The following MBTD1 variants were observed in gnomAD, a reference collection of about 807,000 sequenced individuals.
MBTD1 encodes the protein MBT domain-containing protein 1.
A neutral mutation model predicts 87.8 loss-of-function variants in MBTD1; 24 were observed. That is an observed-to-expected ratio of 0.27 (90% CI 0.20 to 0.38). The LOEUF (loss-of-function observed/expected upper bound fraction) is 0.38. Among genes scored for constraint, MBTD1 ranks in the 10% least tolerant of loss-of-function variants. The pLI is 1.00. For missense variants in MBTD1, 436 were observed against 760.2 expected, an observed-to-expected ratio of 0.57 and a Z score of 5.02; for synonymous variants, 237 against 248.6, an observed-to-expected ratio of 0.95 and a Z score of 0.44.
chr17:51,232,997 A>G (rs548670684), intron 2 of MBTD1, among the ~76,000 whole-genome samples: 1 of 131,460 alleles, frequency 7.6e-6, no homozygotes, highest in Middle Eastern at 4.6e-3. Flanking sequence ...GTCTGCAGTG[A>G]GGTGCAATCA....
At chr17:51,224,232 C>T (rs900539418) in intron 3 of MBTD1, among the ~76,000 whole-genome samples, 10 of 152,134 alleles carry the variant, frequency 6.6e-5, no homozygotes, top group African/African-American at 1.7e-4. Flanking sequence ...CCCCAGAATA[C>T]AGTGACCAGG....
intron 2 of MBTD1, chr17:51,251,287 C>T (rs1328301797): frequency 1.3e-5 from 2 of 152,156 alleles, no homozygotes; most frequent in Non-Finnish European, 2.9e-5. Flanking sequence ...TCTCTAAGTT[C>T]AGTTTTTTTC....
chr17:51,260,060 T>G, upstream of MBTD1: 1 of 396,414 alleles, frequency 2.5e-6, no homozygotes, highest in Non-Finnish European at 4.4e-6. Flanking sequence ...AGCATAGCCC[T>G]CCCTCCCCAG....
At position 51,259,696 on chromosome 17, in the gene MBTD1, G is replaced by A. The variant is rs558705849; in HGVS notation, c.-113+139C>T. 764 of 717,174 alleles carry A rather than the reference G, an allele frequency of 1.1e-3. 9 individuals carry two copies. The African/African-American group carries it at 0.011, about 11-fold the overall frequency. 44.4% of individuals were successfully genotyped at this position (717,174 alleles called of 1,614,324 possible). On this transcript the variant is annotated intron_variant, in intron 1 of 16. Coordinates refer to ENST00000586178, the MANE Select transcript of MBTD1 (RefSeq NM_017643.3). ...TTTAACGGCTGGAAGGGGGAGGGGGGCTCCGGAGGTTGAGAGGGCGTGGGA... is the reference window on the plus strand; with the variant it reads ...TTTAACGGCTGGAAGGGGGAGGGGGACTCCGGAGGTTGAGAGGGCGTGGGA...
chr17:51,242,898 C>A (rs993786335), intron 2 of MBTD1, among the ~76,000 whole-genome samples: 5 of 152,156 alleles, frequency 3.3e-5, no homozygotes, highest in African/African-American at 1.2e-4. Flanking sequence ...GGAAATCATT[C>A]CATTTCAGTG....
intron 16 of MBTD1, 51 bp from the exon 17 acceptor site, chr17:51,180,745 C>T (rs903884201): frequency 1.4e-5 from 13 of 938,998 alleles, no homozygotes; most frequent in East Asian, 7.9e-5. Context: ...CTAGAGTACT[C>T]GGATTGCCTG....
rs914910643 is a variant in MBTD1 at position 51,225,341 on chromosome 17, CT to C, written c.-48-133del. The C allele has an allele frequency of 2.0e-3, 843 of 415,138 alleles. 1 individual carries two copies. The highest frequency in any genetic ancestry group is 4.5e-3 in the Middle Eastern group (7 of 1,568). 25.7% of individuals were successfully genotyped at this position (415,138 alleles called of 1,614,324 possible). On this transcript the variant is annotated intron_variant, in intron 2 of 16. Coordinates refer to ENST00000586178, the MANE Select transcript of MBTD1 (RefSeq NM_017643.3). ...GCCCTGAGAAATAACCATTTTCTTT[CT>C]TTTTTTTTTCTTTTTTTAAAAAATG...
Position 51,225,101 on chromosome 17 carries a change from T to C in MBTD1, c.61A>G (p.Ser21Gly). ...GGTAAAGGAGCGACTTCTTCCTCACTCTCTTCGGAGCTGGAGCTGCTGCTT... is the reference window on the plus strand; with the variant it reads ...GGTAAAGGAGCGACTTCTTCCTCACCCTCTTCGGAGCTGGAGCTGCTGCTT... ...DTSSSSSSEE[S>G]EEEVAPLPSN... is the part of the protein sequence containing the mutation. The change falls in exon 3 of 17, where the codon AGT (serine) becomes GGT (glycine). Residue 21 changes from serine to glycine, a missense_variant. Around this residue, in one of 5 missense-constraint regions of MBTD1, gnomAD observed 38 missense variants for 33.8 expected, o/e 1.12. Coordinates refer to ENST00000586178, the MANE Select transcript of MBTD1 (RefSeq NM_017643.3). The C allele has an allele frequency of 6.4e-7, 1 of 1,551,628 alleles. No individual in the cohort carries two copies. The highest frequency in any genetic ancestry group is 8.7e-7 in the Non-Finnish European group (1 of 1,146,892).
chr17:51,260,193 G>C (rs1411226870), upstream of MBTD1: 3 of 390,496 alleles, frequency 7.7e-6, no homozygotes. Context: ...ACGAAGGGTG[G>C]AAAGCGTATT....
chr17:51,180,770 C>T (rs1014197558), intron 16 of MBTD1, 76 bp from the exon 17 acceptor site: 10 of 764,744 alleles, frequency 1.3e-5, no homozygotes, highest in African/African-American at 3.5e-5. Flanking sequence ...CTTCGTGTTC[C>T]GTCAGCTTTA....
chr17:51,195,238 T>C lies in MBTD1; in HGVS notation c.1348A>G (p.Met450Val), dbSNP rs1434680928. 1.2e-6 allele frequency: 2 copies of C among 1,613,786 alleles called. No homozygotes were observed. Among genetic ancestry groups the C allele is most frequent in the Admixed American group, 1.7e-5 (1 of 59,934 alleles). ...CCTCTGGGTGGAGTAAGTTCAATCA[T>C]GTTAATTTCACAGAAACCGACAGGG... ...IFPVGFCEIN[M>V]IELTPPRGYT... The change falls in exon 13 of 17, where the codon ATG becomes GTG. Residue 450 changes from methionine to valine, a missense_variant. This residue lies in a region of MBTD1 where 80 missense variants were observed against 182.2 expected (regional missense o/e 0.44). Transcript: ENST00000586178.
rs1444703505 is a variant in MBTD1, at chr17:51,179,180, G to A, written c.*1396C>T. The A allele has an allele frequency of 6.6e-6, 1 of 151,852 alleles. No individual in the cohort carries two copies. The highest frequency in any genetic ancestry group is 1.5e-5 in the Non-Finnish European group (1 of 67,984). The allele number at this position is 151,852 out of a possible 1,614,324, so 9.4% of individuals were successfully genotyped here. ...TAATTAGCCCTACCTATATTCCAGAGGAGATGGTCAATATTACCACTCTGA... is the reference window on the plus strand; with the variant it reads ...TAATTAGCCCTACCTATATTCCAGAAGAGATGGTCAATATTACCACTCTGA... On this transcript the variant is annotated 3_prime_UTR_variant, in exon 17 of 17. Transcript: ENST00000586178.
upstream of MBTD1, chr17:51,260,574 C>T (rs1358237355): frequency 3.1e-6 from 5 of 1,610,082 alleles, no homozygotes; most frequent in Admixed American, 6.7e-5. Context: ...CGTTTCTCCT[C>T]AAACCTAACG....
chr17:51,181,264 AT>A (rs2050301853), intron 16 of MBTD1, among the ~76,000 whole-genome samples: 1 of 152,072 alleles, frequency 6.6e-6, no homozygotes, highest in South Asian at 2.1e-4. Context: ...TGACCTTGTG[AT>A]CCGCCCACCT....
chr17:51,203,461 C>A (rs927586249), intron 8 of MBTD1, among the ~76,000 whole-genome samples: 6 of 152,080 alleles, frequency 3.9e-5, no homozygotes, highest in Non-Finnish European at 7.4e-5. Flanking sequence ...GTTGCCCAGG[C>A]TGGAGTGCAG....
At chr17:51,241,597 G>A (rs531262145) in intron 2 of MBTD1, among the ~76,000 whole-genome samples, 7 of 151,836 alleles carry the variant, frequency 4.6e-5, no homozygotes, top group Admixed American at 6.6e-5. Flanking sequence ...ATAGCGTCTC[G>A]CTGTTGCCCG....
chr17:51,193,497 A>C lies in MBTD1; in HGVS notation c.1386T>G (p.Leu462=), dbSNP rs774190034. The change falls in exon 14 of 17, where the codon CTT becomes CTG. Residue 462 remains leucine, a synonymous_variant. Transcript: ENST00000586178. ...ELTPPRGYTK[L]PFKWFDYLRE... is the part of the protein sequence containing the mutation. Reference sequence around the variant, plus strand: ...TGAGGTAGTCAAACCATTTAAAAGGAAGTTTTGTGTAACCTAAAAAACACA... The same window carrying C: ...TGAGGTAGTCAAACCATTTAAAAGGCAGTTTTGTGTAACCTAAAAAACACA... The C allele has an allele frequency of 1.1e-5, 17 of 1,610,130 alleles. 1 individual carries two copies. In the South Asian group the frequency reaches 1.9e-4, roughly 18 times the overall value.
chr17:51,245,620 G>A (rs1462861361), intron 2 of MBTD1, among the ~76,000 whole-genome samples: 1 of 151,626 alleles, frequency 6.6e-6, no homozygotes, highest in African/African-American at 2.4e-5. Flanking sequence ...TTATCAAAAT[G>A]TCCATCTTTA....
At chr17:51,183,347 T>C (rs897279047) in intron 16 of MBTD1, 2 of 152,018 alleles carry the variant, frequency 1.3e-5, no homozygotes, top group Non-Finnish European at 2.9e-5. Context: ...AATTTTTGTA[T>C]TTTCAGTAGA....
Sources: allele counts gnomAD v4.1 joint callset (sites outside exome capture counted in the v4.1 genomes callset), GRCh38; gene constraint gnomAD v4.1.1; regional missense constraint gnomAD v4.1.1; transcripts MANE v1.5; gene names NCBI Gene and HGNC (gene_info 2026-07-23, HGNC 2026-07-21).